THADA: variants seen among roughly 807,000 people sequenced by gnomAD.
The protein encoded by THADA is tRNA (32-2'-O)-methyltransferase regulator THADA.
THADA carries 213 observed loss-of-function variants against 219.8 expected under a neutral mutation model. The observed-to-expected ratio is 0.97, with a 90% CI of 0.87 to 1.09. THADA has a LOEUF of 1.09. THADA is among the 50% of genes least tolerant of loss of function. THADA has a pLI of 0.00. For missense variants in THADA, 2,956 were observed against 2,311.3 expected, an observed-to-expected ratio of 1.28 and a Z score of -5.72; for synonymous variants, 1,018 against 828.9, an observed-to-expected ratio of 1.23 and a Z score of -3.92.
intron 36 of THADA, among the ~76,000 whole-genome samples, chr2:43,247,130 T>C (rs892614875): frequency 2.0e-5 from 3 of 152,192 alleles, no homozygotes; most frequent in Non-Finnish European, 2.9e-5. Flanking sequence ...TCCCTTCCTT[T>C]AAGCACCAGG....
chr2:43,350,475 C>T (rs1229955821), intron 29 of THADA, among the ~76,000 whole-genome samples: 4 of 152,182 alleles, frequency 2.6e-5, no homozygotes, highest in Non-Finnish European at 5.9e-5. Flanking sequence ...ATTTGTTTTC[C>T]GCTTCAGGCA....
intron 31 of THADA, among the ~76,000 whole-genome samples, chr2:43,313,514 A>C (rs796067358): frequency 2.6e-4 from 39 of 152,384 alleles, no homozygotes; most frequent in African/African-American, 9.4e-4. Context: ...GCCTGGTATT[A>C]GGAAGTGTTT....
At chr2:43,292,511 G>A (rs1674851812) in intron 32 of THADA, among the ~76,000 whole-genome samples, 1 of 152,158 alleles carries the variant, frequency 6.6e-6, no homozygotes, top group African/African-American at 2.4e-5. Flanking sequence ...AAATAGCCAT[G>A]TCAGCAAAGA....
intron 22 of THADA, among the ~76,000 whole-genome samples, chr2:43,525,583 C>G (rs1234806233): frequency 6.6e-6 from 1 of 152,166 alleles, no homozygotes; most frequent in Non-Finnish European, 1.5e-5. Flanking sequence ...CTAGGCCCAG[C>G]CTTCTAGCTA....
chr2:43,261,465 TTGCTCTGTCGCCCAGGCTGGACTGC>T lies in THADA; in HGVS notation c.5296+18275_5296+18299del, dbSNP rs1233234098. Reference sequence around the variant, plus strand: ...GCTTTTTTTTGTTTGAGACAGAGTCTTGCTCTGTCGCCCAGGCTGGACTGCTGCTCTGTCGCCCAGGCTGGACTGC... The same window carrying T: ...GCTTTTTTTTGTTTGAGACAGAGTCTTGCTCTGTCGCCCAGGCTGGACTGC... On this transcript the variant is annotated intron_variant, in intron 36 of 37. Transcript: ENST00000405975. Among the ~76,000 whole-genome samples, 14 of 151,622 alleles carry T rather than the reference TTGCTCTGTCGCCCAGGCTGGACTGC, an allele frequency of 9.2e-5. No homozygotes were observed. The East Asian group carries it at 1.8e-3, about 19-fold the overall frequency.
rs367558358 is a variant in THADA at position 43,428,122 on chromosome 2, G to A, written c.4036C>T (p.Pro1346Ser). 1.2e-6 allele frequency: 2 copies of A among 1,610,030 alleles called. No homozygotes were observed. Among genetic ancestry groups the A allele is most frequent in the Non-Finnish European group, 1.7e-6 (2 of 1,177,772 alleles). The change falls in exon 28 of 38, where the codon CCT becomes TCT. Residue 1346 changes from proline to serine, a missense_variant. By Grantham distance (74) the Pro-to-Ser change is moderately conservative. Coordinates refer to ENST00000405975, the MANE Select transcript of THADA (RefSeq NM_022065.5). ...TACCTCATAATGAAGGGAACAAAAG[G>A]TCCCATGCTGAGAGCAGAAGAAGTA... ...DGTSSALSMG[P>S]FVPFIMRCGH...
rs574685154 is a variant in THADA, at chr2:43,430,818, C to A, written c.3837-516G>T. ...CCCACTAGATGCCAGCAGCACAACA[C>A]CCCTCCCCAACAATCATGACAATGA... On this transcript the variant is annotated intron_variant, in intron 26 of 37. Transcript: ENST00000405975. Among the ~76,000 whole-genome samples, 12 of 152,264 alleles carry A rather than the reference C, an allele frequency of 7.9e-5. No individual in the cohort carries two copies. The South Asian group carries it at 2.5e-3, about 32-fold the overall frequency.
chr2:43,456,041 T>C (rs1310662391), intron 26 of THADA, among the ~76,000 whole-genome samples: 1 of 151,934 alleles, frequency 6.6e-6, no homozygotes, highest in Non-Finnish European at 1.5e-5. Flanking sequence ...ATTTAACCTT[T>C]CCCAACAGAG....
intron 36 of THADA, among the ~76,000 whole-genome samples, chr2:43,264,640 C>A (rs1007438168): frequency 1.3e-5 from 2 of 152,060 alleles, no homozygotes; most frequent in Non-Finnish European, 2.9e-5. Context: ...CAAGGCTGTT[C>A]AAAGAGACTC....
At chr2:43,244,394 T>C (rs1668923788) in intron 36 of THADA, among the ~76,000 whole-genome samples, 1 of 152,214 alleles carries the variant, frequency 6.6e-6, no homozygotes, top group African/African-American at 2.4e-5. Flanking sequence ...AAGACGTGGT[T>C]CTCCAGGGGG....
At chr2:43,512,272 T>A (rs547587093) in intron 22 of THADA, among the ~76,000 whole-genome samples, 1 of 152,212 alleles carries the variant, frequency 6.6e-6, no homozygotes, top group South Asian at 2.1e-4. Context: ...AAACCAGCTT[T>A]TACGCAGAAT....
At chr2:43,315,812 G>A (rs1678011815) in intron 31 of THADA, among the ~76,000 whole-genome samples, 1 of 152,162 alleles carries the variant, frequency 6.6e-6, no homozygotes, top group Non-Finnish European at 1.5e-5. Flanking sequence ...TTCCATAAGG[G>A]TCCTAAAAAT....
At chr2:43,322,371 G>A (rs1434631316) in intron 30 of THADA, among the ~76,000 whole-genome samples, 8 of 151,838 alleles carry the variant, frequency 5.3e-5, no homozygotes, top group Non-Finnish European at 1.0e-4. Context: ...GGGCAGGGTG[G>A]CGGGCGCCTG....
chr2:43,382,641 A>G (rs1222197370), intron 29 of THADA, among the ~76,000 whole-genome samples: 1 of 152,256 alleles, frequency 6.6e-6, no homozygotes, highest in Non-Finnish European at 1.5e-5. Flanking sequence ...AAAAGGAACA[A>G]TTCTCCTGAA....
intron 22 of THADA, among the ~76,000 whole-genome samples, chr2:43,513,416 A>G (rs1353815569): frequency 6.6e-6 from 1 of 152,236 alleles, no homozygotes; most frequent in Non-Finnish European, 1.5e-5. Flanking sequence ...TGCTGATACC[A>G]GAGACCCAAG....
chr2:43,425,454 G>T (rs1297761743), intron 28 of THADA, among the ~76,000 whole-genome samples: 1 of 147,300 alleles, frequency 6.8e-6, no homozygotes, highest in African/African-American at 2.5e-5. Flanking sequence ...GTATGTGTGT[G>T]TGTGTGTGTG....
intron 26 of THADA, among the ~76,000 whole-genome samples, chr2:43,483,821 G>T (rs1686547468): frequency 6.6e-6 from 1 of 151,428 alleles, no homozygotes; most frequent in East Asian, 1.9e-4. Context: ...TTTTCTTCAA[G>T]TTCAGTTTTA....
chr2:43,574,393 G>C lies in THADA; in HGVS notation c.1672C>G (p.Pro558Ala), dbSNP rs1242627579. ...TTTACCATGTACTGTAAGCTTTCAG[G>C]GCTGTAACTTAATAATTTTGGCAAG... The part of the protein sequence containing the change: ...YYLPKLLSYS[P>A]ESLQYMVKIL... The change falls in exon 11 of 38, where the codon CCT becomes GCT. Residue 558 changes from proline (P) to alanine (A), a missense_variant. Transcript: ENST00000405975. 1 of 1,609,026 alleles carries C rather than the reference G, an allele frequency of 6.2e-7. No individual in the cohort carries two copies. Among genetic ancestry groups the C allele is most frequent in the East Asian group, 2.2e-5 (1 of 44,868 alleles).
At chr2:43,586,273 T>A (rs1701017032) in intron 7 of THADA, 128 bp downstream of exon 7, 3 of 815,896 alleles carry the variant, frequency 3.7e-6, no homozygotes, top group Non-Finnish European at 5.5e-6. Context: ...TCAAAAAAAA[T>A]ATAAAAGTGA....
Sources: allele counts gnomAD v4.1 joint callset (sites outside exome capture counted in the v4.1 genomes callset), GRCh38; gene constraint gnomAD v4.1.1; transcripts MANE v1.5; gene names NCBI Gene and HGNC (gene_info 2026-07-23, HGNC 2026-07-21).